The following DIO2 variants were observed in gnomAD, a reference collection of about 807,000 sequenced individuals.
DIO2 encodes the protein type II iodothyronine deiodinase.
In DIO2, 19 loss-of-function variants were observed where a neutral mutation model predicts 21.4. That is an observed-to-expected ratio of 0.89 (90% confidence interval 0.62 to 1.30). The LOEUF (loss-of-function observed/expected upper bound fraction) is 1.30, where lower values mean the gene tolerates loss of function less well. Ranked by LOEUF, DIO2 falls within the 50% of genes most tolerant of loss-of-function variation. The pLI, the probability that DIO2 is intolerant of heterozygous loss-of-function variation, is 0.00. For missense variants in DIO2, 302 were observed against 338.1 expected, an observed-to-expected ratio of 0.89 and a Z score of 0.84; for synonymous variants, 122 against 132.9, an observed-to-expected ratio of 0.92 and a Z score of 0.57.
intron 1 of DIO2, among the ~76,000 whole-genome samples, chr14:80,210,918 G>A (rs971667926): frequency 5.3e-5 from 8 of 152,164 alleles, no homozygotes; most frequent in African/African-American, 1.7e-4. Context: ...CAGAATAAAT[G>A]CAGCAGTCTC....
Position 80,203,226 on chromosome 14 carries a change from A to G in DIO2, c.285T>C (p.Gly95=). 2 of 1,606,234 alleles carry G rather than the reference A, an allele frequency of 1.2e-6. No individual in the cohort carries two copies. Among genetic ancestry groups the G allele is most frequent in the South Asian group, 2.2e-5 (2 of 90,098 alleles). Residue 95 remains glycine, a synonymous_variant, in exon 2 of 2, where the codon GGT becomes GGC. Coordinates refer to ENST00000438257, the MANE Select transcript of DIO2 (RefSeq NM_013989.5). ...CCTGGGTACCATTGCCACTGTTGTC[A>G]CCTCCTTCTGTACTGGAGACATGCA... ...SVVHVSSTEG[G]DNSGNGTQEK... is the part of the protein sequence containing the mutation.
chr14:80,203,156 TG>T lies in DIO2; in HGVS notation c.354del (p.Ser119AlafsTer6). The T allele has an allele frequency of 6.2e-7, 1 of 1,612,754 alleles. No individual in the cohort carries two copies. Among genetic ancestry groups the T allele is most frequent in the Non-Finnish European group, 8.5e-7 (1 of 1,179,394 alleles). ...EGATCHLLDF[A>X]SPERPLVVNF... ...TTGACCACTAGTGGGCGCTCAGGGC[TG>T]GCAAAGTCAAGAAGGTGGCATGTGG... On this transcript the variant is annotated frameshift_variant, in exon 2 of 2. Transcript: ENST00000438257. LOFTEE classifies it high-confidence loss of function.
intron 2 of DIO2, among the ~76,000 whole-genome samples, chr14:80,219,721 CAGTAG>C (rs1417874366): frequency 6.6e-6 from 1 of 152,148 alleles, no homozygotes; most frequent in African/African-American, 2.4e-5. Flanking sequence ...CTGAATCGTA[CAGTAG>C]AGTATAGAGA....
chr14:80,216,942 C>T (rs1370278784), intron 2 of DIO2, among the ~76,000 whole-genome samples: 1 of 152,146 alleles, frequency 6.6e-6, no homozygotes, highest in Non-Finnish European at 1.5e-5. Flanking sequence ...CCATCACCTC[C>T]CTCATATGCT....
chr14:80,218,182 AAAACAAAC>A (rs562163446), intron 2 of DIO2, among the ~76,000 whole-genome samples: 61 of 152,168 alleles, frequency 4.0e-4, no homozygotes, highest in African/African-American at 1.4e-3. Flanking sequence ...CTTCTTTGTA[AAAACAAAC>A]AAACAAACAA....
chr14:80,203,887 C>G (rs978734126), intron 1 of DIO2, among the ~76,000 whole-genome samples: 4 of 152,170 alleles, frequency 2.6e-5, no homozygotes, highest in African/African-American at 9.7e-5. Context: ...CACTTAACCT[C>G]TTTAGTGATT....
At chr14:80,212,360 G>A (rs971418308), upstream of DIO2, among the ~76,000 whole-genome samples, 3 of 152,004 alleles carry the variant, frequency 2.0e-5, no homozygotes, top group Non-Finnish European at 4.4e-5. Context: ...AAGGGGTTGG[G>A]GAGAGACAGT....
At chr14:80,228,009 G>T (rs931888471) in intron 2 of DIO2, among the ~76,000 whole-genome samples, 4 of 152,312 alleles carry the variant, frequency 2.6e-5, no homozygotes, top group South Asian at 2.1e-4. Flanking sequence ...CTGAATTTTA[G>T]TCGGACTTAT....
chr14:80,211,696 G>T, upstream of DIO2: 1 of 363,472 alleles, frequency 2.8e-6, no homozygotes. Context: ...CCAGCAGTTG[G>T]AGTGTGCCCA....
At chr14:80,204,859 T>G (rs1887886506) in intron 1 of DIO2, among the ~76,000 whole-genome samples, 1 of 152,190 alleles carries the variant, frequency 6.6e-6, no homozygotes, top group African/African-American at 2.4e-5. Context: ...TTTCTCTCCC[T>G]TCTGAAAAAT....
In DIO2 at chr14:80,202,035, A is replaced by G. The variant is rs1017581914; in HGVS notation, c.*654T>C. ...TTACCACTCTCTCCACCTGCCTAGA[A>G]ATTAACCCTCAGATTACAGATGATC... On this transcript the variant is annotated 3_prime_UTR_variant, in exon 2 of 2. Coordinates refer to ENST00000438257, the MANE Select transcript of DIO2 (RefSeq NM_013989.5). 4 of 196,084 alleles carry G rather than the reference A, an allele frequency of 2.0e-5. No homozygotes were observed. Among genetic ancestry groups the G allele is most frequent in the Non-Finnish European group, 3.1e-5 (3 of 95,260 alleles). The allele number at this position is 196,084 out of a possible 1,614,324, so 12.1% of individuals were successfully genotyped here.
chr14:80,202,747 C>T lies in DIO2; in HGVS notation c.764G>A (p.Arg255Gln), dbSNP rs1887782788. 6.2e-7 allele frequency: 1 copy of T among 1,613,788 alleles called. No individual in the cohort carries two copies. Among genetic ancestry groups the T allele is most frequent in the African/African-American group, 1.3e-5 (1 of 74,898 alleles). ...GPFSYNLQEV[R>Q]HWLEKNFSKR... ...GCTGAAATTCTTCTCCAGCCAATGC[C>T]GGACTTCTTGAAGGTTGTAGGAGAA... is the stretch of plus-strand genomic sequence containing the variant. Residue 255 changes from arginine to glutamine, a missense_variant, in exon 2 of 2, where the codon CGG becomes CAG. Arg to Gln is a conservative substitution (Grantham distance 43). Transcript: ENST00000438257.
rs1184780479 is a variant in DIO2 at position 80,202,886 on chromosome 14, G to C, written c.625C>G (p.Arg209Gly). Residue 209 changes from arginine (R) to glycine (G), a missense_variant, in exon 2 of 2, where the codon CGA (arginine) becomes GGA (glycine). Transcript: ENST00000438257. ...TTGTCCATGCGGTCAGCCACAACTC[G>C]GCACTGGGGCGGCAAGGAGAAACGC... ...LERFSLPPQCRVVADRMDNNA... is the reference protein window; with the variant it reads ...LERFSLPPQCGVVADRMDNNA... The C allele has an allele frequency of 3.7e-6, 6 of 1,613,908 alleles. No homozygotes were observed. The South Asian group carries it at 4.4e-5, about 12-fold the overall frequency.
chr14:80,209,242 T>A (rs1771063926), intron 1 of DIO2, among the ~76,000 whole-genome samples: 1 of 152,158 alleles, frequency 6.6e-6, no homozygotes, highest in Admixed American at 6.6e-5. Context: ...TGGGTAACAT[T>A]ACAGCCCCCA....
chr14:80,221,972 T>C (rs1362790679), intron 2 of DIO2, among the ~76,000 whole-genome samples: 3 of 152,180 alleles, frequency 2.0e-5, no homozygotes, highest in Admixed American at 2.0e-4. Context: ...AATGGATGTT[T>C]TGGAGGTTTT....
chr14:80,220,060 GT>G (rs1888435619), intron 2 of DIO2, among the ~76,000 whole-genome samples: 1 of 151,936 alleles, frequency 6.6e-6, no homozygotes, highest in African/African-American at 2.4e-5. Context: ...GTGTGTGTGT[GT>G]GTGTTTTGTT....
intron 2 of DIO2, among the ~76,000 whole-genome samples, chr14:80,229,480 C>T (rs1207301644): frequency 1.3e-5 from 2 of 152,118 alleles, no homozygotes; most frequent in East Asian, 1.9e-4. Flanking sequence ...GATGCAGGTG[C>T]TGCCCTCACA....
chr14:80,227,032 C>T (rs1458774918), intron 2 of DIO2, among the ~76,000 whole-genome samples: 1 of 152,186 alleles, frequency 6.6e-6, no homozygotes, highest in East Asian at 1.9e-4. Flanking sequence ...GGCCATTTCT[C>T]CTTCCATGAA....
upstream of DIO2, among the ~76,000 whole-genome samples, chr14:80,214,893 A>G (rs76104163): frequency 5.3e-5 from 8 of 152,174 alleles, no homozygotes; most frequent in East Asian, 9.6e-4. Flanking sequence ...CTAACTCTAA[A>G]TAAGCCTCAC....
Sources: allele counts gnomAD v4.1 joint callset (sites outside exome capture counted in the v4.1 genomes callset), GRCh38; gene constraint gnomAD v4.1.1; transcripts MANE v1.5; gene names NCBI Gene and HGNC (gene_info 2026-07-23, HGNC 2026-07-21).